Variants in PCLO observed in about 807,000 individuals in gnomAD.
The protein encoded by PCLO is protein piccolo.
In PCLO, 82 loss-of-function variants were observed where a neutral mutation model predicts 427.5. The observed-to-expected ratio is 0.19, with a 90% CI of 0.16 to 0.23. PCLO has a LOEUF of 0.23. Ranked by LOEUF, PCLO falls within the 10% of genes least tolerant of loss-of-function variation. The pLI, the probability that PCLO is intolerant of heterozygous loss-of-function variation, is 1.00. For synonymous variants in PCLO, 2,357 were observed against 2,155.4 expected (o/e 1.09, Z -2.59); for missense variants, 6,239 against 6,115.9 (o/e 1.02, Z -0.67).
intron 9 of PCLO, among the ~76,000 whole-genome samples, chr7:82,880,218 G>GA (rs35682435): frequency 6.6e-6 from 1 of 152,014 alleles, no homozygotes; most frequent in Non-Finnish European, 1.5e-5. Flanking sequence ...CCTAAACATG[G>GA]AAAAACTACA....
intron 1 of PCLO, among the ~76,000 whole-genome samples, chr7:83,160,690 C>T (rs1028627694): frequency 9.9e-5 from 15 of 151,944 alleles, no homozygotes; most frequent in Non-Finnish European, 1.2e-4. Context: ...GTGCATGAAG[C>T]AACAGTTTTA....
rs530398253 is a variant in PCLO at position 82,991,054 on chromosome 7, G to A, written c.3301-24567C>T. Among the ~76,000 whole-genome samples, 137 of 152,156 alleles carry A rather than the reference G, an allele frequency of 9.0e-4. 6 individuals carry two copies. In the South Asian group the frequency reaches 0.022, roughly 24 times the overall value. On this transcript the variant is annotated intron_variant, in intron 3 of 24. Coordinates refer to ENST00000333891, the MANE Select transcript of PCLO (RefSeq NM_033026.6). ...TATTCTATTTAATTATTCAATAAAC[G>A]TTGATGAACAAGAATGTTATTCATA...
intron 3 of PCLO, among the ~76,000 whole-genome samples, chr7:83,052,709 T>C (rs1478892026): frequency 6.6e-6 from 1 of 152,044 alleles, no homozygotes; most frequent in East Asian, 1.9e-4. Context: ...TTGGTTGTTC[T>C]ATAGCTGTTA....
At chr7:82,948,466 A>C (rs1468572002) in intron 6 of PCLO, among the ~76,000 whole-genome samples, 1 of 152,186 alleles carries the variant, frequency 6.6e-6, no homozygotes, top group Non-Finnish European at 1.5e-5. Context: ...GGGTCAATGG[A>C]AATGTAACAC....
intron 4 of PCLO, among the ~76,000 whole-genome samples, chr7:82,964,722 G>A (rs553533668): frequency 6.6e-6 from 1 of 152,150 alleles, no homozygotes; most frequent in Non-Finnish European, 1.5e-5. Flanking sequence ...TGGTGGTGGC[G>A]GTGGCTAGAT....
chr7:82,763,710 A>T (rs1381142192), intron 22 of PCLO, among the ~76,000 whole-genome samples: 3 of 152,062 alleles, frequency 2.0e-5, no homozygotes, highest in Non-Finnish European at 4.4e-5. Flanking sequence ...CTAATACTGT[A>T]GTCCAAAAAT....
At chr7:82,927,311 C>T (rs1471725332) in intron 6 of PCLO, among the ~76,000 whole-genome samples, 2 of 152,106 alleles carry the variant, frequency 1.3e-5, no homozygotes, top group African/African-American at 2.4e-5. Flanking sequence ...GGCTATTTCG[C>T]TTTCATGAGA....
Position 82,893,437 on chromosome 7 carries a change from G to C in PCLO, c.13528+9214C>G, listed in dbSNP as rs373043011. ...GGGCCCTGTTGTGGGGTCAGGGAAG[G>C]GGGGAGGGATAGCATTAGGAGATAC... On this transcript the variant is annotated intron_variant, in intron 9 of 24. Coordinates refer to ENST00000333891, the MANE Select transcript of PCLO (RefSeq NM_033026.6). Among the ~76,000 whole-genome samples the C allele has an allele frequency of 2.4e-4, 36 of 152,104 alleles. No individual in the cohort carries two copies. The East Asian group carries it at 3.5e-3, about 15-fold the overall frequency.
intron 16 of PCLO, among the ~76,000 whole-genome samples, chr7:82,829,399 G>A (rs1248118835): frequency 6.6e-6 from 1 of 152,072 alleles, no homozygotes; most frequent in Non-Finnish European, 1.5e-5. Context: ...AGGCTCGCAG[G>A]TGAATCTAAT....
At chr7:83,130,466 T>A (rs923595733) in intron 3 of PCLO, among the ~76,000 whole-genome samples, 4 of 152,204 alleles carry the variant, frequency 2.6e-5, no homozygotes, top group African/African-American at 9.7e-5. Flanking sequence ...CATGAGCCAC[T>A]GTGCTGACCA....
intron 3 of PCLO, among the ~76,000 whole-genome samples, chr7:83,016,761 T>C (rs944647407): frequency 6.6e-6 from 1 of 152,018 alleles, no homozygotes; most frequent in African/African-American, 2.4e-5. Context: ...ATGGTATAGA[T>C]TGAAATAGGA....
chr7:82,902,899 A>G (rs1584125611), intron 8 of PCLO, among the ~76,000 whole-genome samples, 158 bp from the exon 9 acceptor site: 1 of 152,034 alleles, frequency 6.6e-6, no homozygotes, highest in Non-Finnish European at 1.5e-5. Context: ...TTACACTAAC[A>G]CTATATAATG....
Position 83,162,556 on chromosome 7 carries a change from G to A in PCLO, c.37C>T (p.Pro13Ser), listed in dbSNP as rs1380148352. Reference protein sequence around the residue: ...NEASLEGEGLPEGLAAAAAAG... With the variant: ...NEASLEGEGLSEGLAAAAAAG... ...GCTGCGGCCGCCGCCAGCCCTTCGG[G>A]GAGCCCTTCCCCTTCCAAGCTCGCC... The change falls in exon 1 of 25, where the codon CCC becomes TCC. Residue 13 changes from proline (P) to serine (S), a missense_variant. Pro to Ser is a moderately conservative substitution (Grantham distance 74). Coordinates refer to ENST00000333891, the MANE Select transcript of PCLO (RefSeq NM_033026.6). 2.6e-6 allele frequency: 4 copies of A among 1,551,636 alleles called. No homozygotes were observed. Among genetic ancestry groups the A allele is most frequent in the South Asian group, 1.2e-5 (1 of 84,286 alleles).
chr7:83,044,248 G>A (rs546561076), intron 3 of PCLO, among the ~76,000 whole-genome samples: 7 of 152,118 alleles, frequency 4.6e-5, no homozygotes, highest in African/African-American at 9.6e-5. Flanking sequence ...AATCACCTCC[G>A]TCCAGGTCCT....
chr7:83,071,703 G>A (rs904673332), intron 3 of PCLO, among the ~76,000 whole-genome samples: 3 of 152,082 alleles, frequency 2.0e-5, no homozygotes, highest in South Asian at 2.1e-4. Flanking sequence ...GAAGCTTTCC[G>A]TGGGTGAGAG....
intron 3 of PCLO, among the ~76,000 whole-genome samples, chr7:83,080,821 T>C (rs1231272080): frequency 6.6e-6 from 1 of 152,092 alleles, no homozygotes; most frequent in African/African-American, 2.4e-5. Flanking sequence ...AAACCATGGA[T>C]AGTGCTGAAT....
chr7:83,144,684 C>T (rs1202539822), intron 2 of PCLO, among the ~76,000 whole-genome samples: 2 of 152,058 alleles, frequency 1.3e-5, no homozygotes, highest in African/African-American at 2.4e-5. Context: ...CTACATTTTT[C>T]ATTGTCATTT....
intron 6 of PCLO, among the ~76,000 whole-genome samples, chr7:82,947,908 G>A (rs10251345): frequency 0.055 from 8,325 of 152,070 alleles, 760 homozygotes; most frequent in African/African-American, 0.19. Context: ...TTTTTTAGCT[G>A]AGCTCATTTG....
chr7:82,997,868 G>C (rs1030189460), intron 3 of PCLO, among the ~76,000 whole-genome samples: 1 of 152,016 alleles, frequency 6.6e-6, no homozygotes, highest in African/African-American at 2.4e-5. Context: ...ATACTGAAAA[G>C]TTAAAGCACA....
Sources: gnomAD v4.1 joint callset for allele counts (sites outside exome capture counted in the v4.1 genomes callset) on GRCh38, gnomAD v4.1.1 for gene constraint, MANE v1.5 for transcripts, NCBI Gene and HGNC (gene_info 2026-07-23, HGNC 2026-07-21) for gene names.